The following FNBP1 variants were observed in gnomAD, a reference collection of about 807,000 sequenced individuals.
FNBP1 encodes the protein formin binding protein 1.
In FNBP1, 26 loss-of-function variants were observed where a neutral mutation model predicts 90.6. The observed-to-expected ratio is 0.29, with a 90% CI of 0.21 to 0.40. The LOEUF (loss-of-function observed/expected upper bound fraction) is 0.40, where lower values mean the gene tolerates loss of function less well. Ranked by LOEUF, FNBP1 falls within the 10% of genes least tolerant of loss-of-function variation. The pLI is 1.00. For synonymous variants in FNBP1, 260 were observed against 265.2 expected (o/e 0.98, Z 0.19); for missense variants, 635 against 768.0 (o/e 0.83, Z 2.05).
intron 1 of FNBP1, among the ~76,000 whole-genome samples, chr9:130,040,358 C>T (rs996597788): frequency 2.0e-5 from 3 of 152,204 alleles, no homozygotes; most frequent in African/African-American, 2.4e-5. Context: ...GTGGCTCACG[C>T]CTGCGATCCC....
upstream of FNBP1, among the ~76,000 whole-genome samples, chr9:130,046,708 C>T (rs188032305): frequency 2.4e-3 from 354 of 145,440 alleles, 2 homozygotes; most frequent in African/African-American, 8.6e-3. Flanking sequence ...GCGGAGGGTG[C>T]GGTGAGCTAA....
chr9:129,992,549 C>CTTTTTTT (rs11455680), intron 2 of FNBP1, among the ~76,000 whole-genome samples: 15 of 92,568 alleles, frequency 1.6e-4, no homozygotes, highest in Non-Finnish European at 2.5e-4. Context: ...ACACATAGCT[C>CTTTTTTT]TTTTTTTTTT....
At position 130,007,239 on chromosome 9, in the gene FNBP1, CAAA is replaced by C. The variant is rs72063140; in HGVS notation, c.25-12284_25-12282del. Among the ~76,000 whole-genome samples, 7 of 77,020 alleles carry C rather than the reference CAAA, an allele frequency of 9.1e-5. No individual in the cohort carries two copies. In the Admixed American group the frequency reaches 1.4e-3, roughly 16 times the overall value. The allele number at this position is 77,020 out of a possible 152,430, so 50.5% of individuals were successfully genotyped here. On this transcript the variant is annotated intron_variant, in intron 1 of 16. Transcript: ENST00000446176. ...CCTGGGCAACAGAGTGAGATCCTGT[CAAA>C]AAAAAAAAAAAAAAAGAAAAAAAAA...
chr9:129,965,584 C>T (rs2048425569), intron 4 of FNBP1, among the ~76,000 whole-genome samples: 1 of 151,888 alleles, frequency 6.6e-6, no homozygotes. Flanking sequence ...ATCCCTAGGC[C>T]GCAATCCCAG....
At chr9:129,958,268 C>T (rs1018863768) in intron 5 of FNBP1, among the ~76,000 whole-genome samples, 3 of 152,082 alleles carry the variant, frequency 2.0e-5, no homozygotes, top group Admixed American at 2.0e-4. Context: ...CCCATCTCTA[C>T]CAAAAATACA....
At chr9:130,053,131 C>G in the FNBP1 span, among the ~76,000 whole-genome samples, 2 of 151,922 alleles carry the variant, frequency 1.3e-5, no homozygotes, top group African/African-American at 4.8e-5. Flanking sequence ...AAAAGAAGTT[C>G]CTATAATTTC....
chr9:129,962,139 A>G (rs1426748142), intron 4 of FNBP1, among the ~76,000 whole-genome samples: 1 of 152,200 alleles, frequency 6.6e-6, no homozygotes, highest in Non-Finnish European at 1.5e-5. Flanking sequence ...ACCAAAGGGC[A>G]CAGCTCCAGT....
At chr9:129,914,755 G>GTATA (rs71499203) in intron 11 of FNBP1, among the ~76,000 whole-genome samples, 6 of 98,434 alleles carry the variant, frequency 6.1e-5, no homozygotes, top group South Asian at 3.3e-4. Context: ...ACATACATAT[G>GTATA]TCTATATATA....
chr9:129,927,736 G>C (rs995720837), intron 7 of FNBP1, among the ~76,000 whole-genome samples: 3 of 151,850 alleles, frequency 2.0e-5, no homozygotes, highest in Non-Finnish European at 4.4e-5. Context: ...AGCCTCCCAA[G>C]TAGCTGGGAT....
chr9:129,982,801 T>G (rs2051485826), intron 2 of FNBP1, among the ~76,000 whole-genome samples: 1 of 152,128 alleles, frequency 6.6e-6, no homozygotes, highest in Admixed American at 6.6e-5. Flanking sequence ...TAGCTAGGAC[T>G]ACAGGTGCAC....
chr9:129,989,909 A>G (rs1389223451), intron 2 of FNBP1, among the ~76,000 whole-genome samples: 1 of 151,978 alleles, frequency 6.6e-6, no homozygotes, highest in African/African-American at 2.4e-5. Context: ...GTGGCAGCGC[A>G]TTCCTGTGGT....
At chr9:129,943,334 AT>A (rs1277242878) in intron 6 of FNBP1, among the ~76,000 whole-genome samples, 3 of 139,252 alleles carry the variant, frequency 2.2e-5, no homozygotes, top group South Asian at 2.2e-4. Context: ...CGTTTTTATA[AT>A]TTTTTTTCCT....
At chr9:129,929,773 A>C in intron 6 of FNBP1, 78 bp from the exon 7 acceptor site, 1 of 1,386,106 alleles carries the variant, frequency 7.2e-7, no homozygotes, top group Non-Finnish European at 1.0e-6. Context: ...AAAGCCTAGA[A>C]CTGCACACTG....
intron 12 of FNBP1, 87 bp downstream of exon 12, chr9:129,908,803 G>A (rs972044287): frequency 4.6e-5 from 37 of 798,250 alleles, no homozygotes; most frequent in Non-Finnish European, 6.9e-5. Flanking sequence ...TCCACCCACC[G>A]CAGCCTCCCA....
chr9:129,924,861 C>G, intron 9 of FNBP1, 99 bp downstream of exon 9: 6 of 1,055,652 alleles, frequency 5.7e-6, no homozygotes, highest in Non-Finnish European at 8.2e-6. Flanking sequence ...CTTTTGCATT[C>G]TGAAACTACA....
intron 11 of FNBP1, among the ~76,000 whole-genome samples, chr9:129,910,453 G>A (rs1252290872): frequency 7.0e-6 from 1 of 143,660 alleles, no homozygotes; most frequent in Non-Finnish European, 1.5e-5. Context: ...CTGTACTCCA[G>A]CCTGGGCGAC....
intron 2 of FNBP1, among the ~76,000 whole-genome samples, chr9:129,985,543 CA>C: frequency 6.6e-6 from 1 of 152,298 alleles, no homozygotes; most frequent in East Asian, 1.9e-4. Context: ...GCAACATGGC[CA>C]GGGGTGGTGG....
chr9:129,980,361 C>CAAAA (rs201407388), intron 2 of FNBP1, among the ~76,000 whole-genome samples: 1 of 110,120 alleles, frequency 9.1e-6, no homozygotes, highest in Non-Finnish European at 1.9e-5. Context: ...ACTCCATCTC[C>CAAAA]AAAAAAAAAA....
chr9:130,034,031 A>T (rs1019277067), intron 1 of FNBP1, among the ~76,000 whole-genome samples: 1 of 141,372 alleles, frequency 7.1e-6, no homozygotes, highest in Non-Finnish European at 1.5e-5. Flanking sequence ...AAAAAAAAAA[A>T]GTTAGACAGG....
Sources: gnomAD v4.1 joint callset for allele counts (sites outside exome capture counted in the v4.1 genomes callset) on GRCh38, gnomAD v4.1.1 for gene constraint, MANE v1.5 for transcripts, NCBI Gene and HGNC (gene_info 2026-07-23, HGNC 2026-07-21) for gene names.